The following MVB12B variants were observed in gnomAD, a reference collection of about 807,000 sequenced individuals.
MVB12B encodes multivesicular body subunit 12B.
A neutral mutation model predicts 41.6 loss-of-function variants in MVB12B; 16 were observed. The observed-to-expected ratio is 0.38, with a 90% CI of 0.26 to 0.58. The LOEUF (loss-of-function observed/expected upper bound fraction) is 0.58, where lower values mean the gene tolerates loss of function less well. Among genes scored for constraint, MVB12B ranks in the 20% least tolerant of loss-of-function variants. MVB12B has a pLI of 0.62. For missense variants in MVB12B, 274 were observed against 380.2 expected (o/e 0.72, Z 2.32); for synonymous variants, 133 against 139.7 (o/e 0.95, Z 0.34).
At chr9:126,499,264 T>TCCAGGAGCCCTGGCAGAACCC (rs1833901166) in intron 9 of MVB12B, among the ~76,000 whole-genome samples, 1 of 151,862 alleles carries the variant, frequency 6.6e-6, no homozygotes, top group African/African-American at 2.4e-5. Flanking sequence ...TGGCAGAGCC[T>TCCAGGAGCCCTGGCAGAACCC]CCAGGACCCC....
At chr9:126,444,605 G>C (rs770581425) in intron 7 of MVB12B, among the ~76,000 whole-genome samples, 1 of 152,004 alleles carries the variant, frequency 6.6e-6, no homozygotes, top group Non-Finnish European at 1.5e-5. Context: ...ACTACCGCTT[G>C]TTTCCAGTTT....
At chr9:126,349,365 G>A (rs537369157) in intron 2 of MVB12B, among the ~76,000 whole-genome samples, 1 of 152,196 alleles carries the variant, frequency 6.6e-6, no homozygotes, top group African/African-American at 2.4e-5. Flanking sequence ...CACCTAGGAG[G>A]GGCAGTCCCT....
At chr9:126,362,299 C>T (rs1365727945) in intron 2 of MVB12B, among the ~76,000 whole-genome samples, 1 of 151,628 alleles carries the variant, frequency 6.6e-6, no homozygotes, top group Middle Eastern at 3.2e-3. Flanking sequence ...AAGGAAATAA[C>T]AAAGATATAA....
intron 9 of MVB12B, among the ~76,000 whole-genome samples, chr9:126,490,574 C>G (rs1206224266): frequency 6.6e-6 from 1 of 152,212 alleles, no homozygotes; most frequent in African/African-American, 2.4e-5. Flanking sequence ...ACACATTAGC[C>G]TGCCGCACTC....
chr9:126,426,403 A>G (rs141445177), intron 7 of MVB12B, among the ~76,000 whole-genome samples: 131 of 151,970 alleles, frequency 8.6e-4, no homozygotes, highest in Non-Finnish European at 1.5e-3. Context: ...TGCCTTTAAG[A>G]TCTTACCTCT....
chr9:126,451,514 C>G (rs1390120310), intron 7 of MVB12B, among the ~76,000 whole-genome samples: 10 of 152,146 alleles, frequency 6.6e-5, no homozygotes, highest in Admixed American at 6.5e-4. Context: ...CCAGAGACAG[C>G]AAGGCTCTGT....
rs567124731 is a variant in MVB12B at position 126,454,881 on chromosome 9, C to T, written c.758-26488C>T. Among the ~76,000 whole-genome samples, 5 of 152,130 alleles carry T rather than the reference C, an allele frequency of 3.3e-5. No homozygotes were observed. In the South Asian group the frequency reaches 6.2e-4, roughly 19 times the overall value. ...GGTAACAACACACCACAGAGATGCA[C>T]GTGCCGCTCTCCACCAGACTCCACT... On this transcript the variant is annotated intron_variant, in intron 7 of 9. Transcript: ENST00000361171.
intron 2 of MVB12B, among the ~76,000 whole-genome samples, chr9:126,363,844 G>A (rs1358593960): frequency 3.3e-5 from 5 of 152,084 alleles, no homozygotes; most frequent in Admixed American, 2.0e-4. Context: ...TCTCCCTGTG[G>A]AATTATGTTC....
chr9:126,338,596 CT>C (rs1279786807), intron 1 of MVB12B, among the ~76,000 whole-genome samples: 2 of 151,690 alleles, frequency 1.3e-5, no homozygotes, highest in African/African-American at 4.8e-5. Context: ...AAAAACTTAC[CT>C]CACATGTTCT....
intron 7 of MVB12B, among the ~76,000 whole-genome samples, chr9:126,475,018 C>T (rs1039771837): frequency 2.0e-5 from 3 of 152,200 alleles, no homozygotes; most frequent in African/African-American, 4.8e-5. Flanking sequence ...AGTCAGATCA[C>T]GTCATTGACT....
chr9:126,418,746 C>T lies in MVB12B; in HGVS notation c.663-3108C>T, dbSNP rs551622936. Reference sequence around the variant, plus strand: ...GGAGGTCAGACTCCCCACGGAGCCTCGAGTGCTCACCCCTCCTCCCTGCTG... The same window carrying T: ...GGAGGTCAGACTCCCCACGGAGCCTTGAGTGCTCACCCCTCCTCCCTGCTG... On this transcript the variant is annotated intron_variant, in intron 6 of 9. Coordinates refer to ENST00000361171, the MANE Select transcript of MVB12B (RefSeq NM_033446.3). 2.6e-4 allele frequency among the ~76,000 whole-genome samples: 40 copies of T among 152,242 alleles called. No individual in the cohort carries two copies. The South Asian group carries it at 7.7e-3, about 29-fold the overall frequency.
chr9:126,416,623 A>G (rs559162954), intron 6 of MVB12B, among the ~76,000 whole-genome samples: 5 of 152,220 alleles, frequency 3.3e-5, no homozygotes, highest in Admixed American at 3.3e-4. Context: ...AATCGGGGTA[A>G]CTCTAACATA....
At position 126,412,120 on chromosome 9, in the gene MVB12B, G is replaced by A. The variant is rs190035826; in HGVS notation, c.663-9734G>A. Among the ~76,000 whole-genome samples, 17 of 152,336 alleles carry A rather than the reference G, an allele frequency of 1.1e-4. 1 individual carries two copies. In the East Asian group the frequency reaches 1.5e-3, roughly 14 times the overall value. On this transcript the variant is annotated intron_variant, in intron 6 of 9. Coordinates refer to ENST00000361171, the MANE Select transcript of MVB12B (RefSeq NM_033446.3). The stretch of plus-strand genomic sequence containing the variant: ...CATTGACCAGCCTTGGAGAGCGGGC[G>A]CTCTAGAAGGTGCTTATTAAAATGC...
At chr9:126,501,765 C>G (rs1417340389) in intron 9 of MVB12B, among the ~76,000 whole-genome samples, 6 of 152,224 alleles carry the variant, frequency 3.9e-5, no homozygotes, top group Non-Finnish European at 7.3e-5. Flanking sequence ...AGGCTCAGCC[C>G]TGCGGCCCTC....
intron 9 of MVB12B, among the ~76,000 whole-genome samples, chr9:126,489,584 C>T (rs1833690031): frequency 6.6e-6 from 1 of 152,262 alleles, no homozygotes; most frequent in Non-Finnish European, 1.5e-5. Flanking sequence ...ACGATTCAGA[C>T]ATGCTCCATG....
At chr9:126,432,209 T>G (rs1832348026) in intron 7 of MVB12B, among the ~76,000 whole-genome samples, 1 of 152,136 alleles carries the variant, frequency 6.6e-6, no homozygotes, top group South Asian at 2.1e-4. Context: ...TATGCCCATT[T>G]CCCCCTGATA....
At chr9:126,401,289 G>T (rs1044392630) in intron 6 of MVB12B, among the ~76,000 whole-genome samples, 1 of 152,232 alleles carries the variant, frequency 6.6e-6, no homozygotes, top group African/African-American at 2.4e-5. Flanking sequence ...TGGGTTGCCC[G>T]TAGGAGGTGA....
chr9:126,351,483 CTTTTTTTT>C (rs34141510), intron 2 of MVB12B, among the ~76,000 whole-genome samples: 1 of 86,298 alleles, frequency 1.2e-5, no homozygotes, highest in Non-Finnish European at 2.1e-5. Context: ...GTCTTTCACT[CTTTTTTTT>C]TTTTTTTTTT....
At chr9:126,419,265 C>G (rs1032873311) in intron 6 of MVB12B, among the ~76,000 whole-genome samples, 1 of 152,154 alleles carries the variant, frequency 6.6e-6, no homozygotes, top group Non-Finnish European at 1.5e-5. Context: ...AAAATACTTC[C>G]CTGGCTCCTG....
Sources: allele counts gnomAD v4.1 joint callset (sites outside exome capture counted in the v4.1 genomes callset), GRCh38; gene constraint gnomAD v4.1.1; transcripts MANE v1.5; gene names NCBI Gene and HGNC (gene_info 2026-07-23, HGNC 2026-07-21).